Variants in CDC42BPB observed in about 807,000 individuals in gnomAD.
CDC42BPB encodes the protein CDC42 binding protein kinase beta.
A neutral mutation model predicts 214.9 loss-of-function variants in CDC42BPB; 37 were observed. That is an observed-to-expected ratio of 0.17 (90% CI 0.13 to 0.23). The LOEUF (loss-of-function observed/expected upper bound fraction) is 0.23, where lower values mean the gene tolerates loss of function less well. Among genes scored for constraint, CDC42BPB ranks in the 10% least tolerant of loss-of-function variants. The pLI, the probability that CDC42BPB is intolerant of heterozygous loss-of-function variation, is 1.00. For synonymous variants in CDC42BPB, 931 were observed against 884.0 expected (o/e 1.05, Z -0.94); for missense variants, 1,694 against 2,227.0 (o/e 0.76, Z 4.82).
intron 1 of CDC42BPB, among the ~76,000 whole-genome samples, chr14:103,050,289 A>C (rs113424806): frequency 0.025 from 3,850 of 152,312 alleles, 174 homozygotes; most frequent in African/African-American, 0.088. Context: ...AAATAAAATA[A>C]AGATATTTCA....
chr14:103,056,746 G>A (rs1181181418), intron 1 of CDC42BPB, among the ~76,000 whole-genome samples: 7 of 152,076 alleles, frequency 4.6e-5, no homozygotes, highest in Non-Finnish European at 8.8e-5. Context: ...ACGATCGAAC[G>A]CGGATGTCGA....
intron 3 of CDC42BPB, among the ~76,000 whole-genome samples, chr14:103,005,705 GAAA>G (rs546871029): frequency 6.7e-6 from 1 of 149,992 alleles, no homozygotes; most frequent in African/African-American, 2.5e-5. Context: ...TCTAAAACAA[GAAA>G]AAAAAAGTTT....
intron 5 of CDC42BPB, among the ~76,000 whole-genome samples, chr14:102,990,716 G>A (rs962001191): frequency 2.0e-5 from 3 of 152,148 alleles, no homozygotes; most frequent in East Asian, 1.9e-4. Flanking sequence ...GAGAAACAAC[G>A]GAGTGGGGAC....
chr14:103,017,478 A>T (rs1432340606), intron 1 of CDC42BPB, among the ~76,000 whole-genome samples: 1 of 152,194 alleles, frequency 6.6e-6, no homozygotes, highest in East Asian at 1.9e-4. Context: ...CTTTACAGTG[A>T]AGTCAGGCAG....
chr14:102,983,374 GCCTCTGGATGC>G (rs1482200397), intron 7 of CDC42BPB, among the ~76,000 whole-genome samples, 171 bp downstream of exon 7: 5 of 151,934 alleles, frequency 3.3e-5, no homozygotes, highest in Non-Finnish European at 2.9e-5. Context: ...TGCCGACCCC[GCCTCTGGATGC>G]CCTCTCCAAT....
chr14:103,013,972 T>C (rs1332330069), intron 1 of CDC42BPB, among the ~76,000 whole-genome samples: 1 of 152,150 alleles, frequency 6.6e-6, no homozygotes, highest in Non-Finnish European at 1.5e-5. Flanking sequence ...AAGACCATCC[T>C]GGCTAACACG....
intron 16 of CDC42BPB, 195 bp from the exon 17 acceptor site, chr14:102,967,365 T>A: frequency 1.0e-6 from 1 of 985,428 alleles, no homozygotes; most frequent in Non-Finnish European, 1.2e-6. Flanking sequence ...AATCTAAACC[T>A]AAACTGATGG....
chr14:102,961,794 C>T (rs1892974512), intron 20 of CDC42BPB, among the ~76,000 whole-genome samples: 1 of 152,198 alleles, frequency 6.6e-6, no homozygotes, highest in Admixed American at 6.5e-5. Context: ...CCGCCCACCT[C>T]AGCCTCCCGA....
Position 102,940,101 on chromosome 14 carries a change from G to C in CDC42BPB, c.4536C>G (p.Leu1512=). 7 of 1,614,038 alleles carry C rather than the reference G, an allele frequency of 4.3e-6. No homozygotes were observed. The highest frequency in any genetic ancestry group is 5.9e-6 in the Non-Finnish European group (7 of 1,180,042). Residue 1512 remains leucine (L), a synonymous_variant, in exon 32 of 37, where the codon CTC becomes CTG. Coordinates refer to ENST00000361246, the MANE Select transcript of CDC42BPB (RefSeq NM_006035.4). ...RIRPLNSEGT[L]NLLNCEPPRL... ...GTGGAGGCTCGCAGTTGAGGAGGTT[G>C]AGGGTGCCTTCAGAGTTCAGGGGCC...
chr14:103,014,459 G>A (rs1886345029), intron 1 of CDC42BPB, among the ~76,000 whole-genome samples: 1 of 152,060 alleles, frequency 6.6e-6, no homozygotes, highest in South Asian at 2.1e-4. Context: ...GTGCCTCTGG[G>A]GGAACTGAGT....
Position 102,968,923 on chromosome 14 carries a change from C to T in CDC42BPB, c.1996-207G>A, listed in dbSNP as rs555229329. ...GGAGACGGCCTTGCAGGGGGATGTG[C>T]CCAGGTCTGCCTGGGACCCCCGAAG... On this transcript the variant is annotated intron_variant, in intron 14 of 36. Coordinates refer to ENST00000361246, the MANE Select transcript of CDC42BPB (RefSeq NM_006035.4). The T allele has an allele frequency of 2.1e-4, 210 of 983,810 alleles. 1 individual carries two copies. In the African/African-American group the frequency reaches 3.5e-3, roughly 17 times the overall value. 60.9% of individuals were successfully genotyped at this position (983,810 alleles called of 1,614,324 possible).
At chr14:102,995,522 G>T (rs1164426077) in intron 5 of CDC42BPB, among the ~76,000 whole-genome samples, 1 of 152,186 alleles carries the variant, frequency 6.6e-6, no homozygotes, top group Non-Finnish European at 1.5e-5. Flanking sequence ...TGCCTTTCCG[G>T]ATATCATCAG....
At chr14:103,038,724 G>T (rs1178145761) in intron 1 of CDC42BPB, among the ~76,000 whole-genome samples, 1 of 104,670 alleles carries the variant, frequency 9.6e-6, no homozygotes, top group Non-Finnish European at 1.9e-5. Flanking sequence ...ACGGGGGGGG[G>T]GGGCGGGTCT....
chr14:103,017,473 C>T (rs34125761), intron 1 of CDC42BPB, among the ~76,000 whole-genome samples: 1 of 152,120 alleles, frequency 6.6e-6, no homozygotes, highest in African/African-American at 2.4e-5. Context: ...GGTGACTTTA[C>T]AGTGAAGTCA....
chr14:103,018,532 T>C (rs745718856), intron 1 of CDC42BPB, among the ~76,000 whole-genome samples: 261 of 152,144 alleles, frequency 1.7e-3, no homozygotes, highest in Non-Finnish European at 2.9e-3. Context: ...GTCGCATCGA[T>C]AGTGTTGGAA....
chr14:102,939,963 G>C lies in CDC42BPB; in HGVS notation c.4592-16C>G, dbSNP rs772024223. On this transcript the variant is annotated splice_polypyrimidine_tract_variant and intron_variant, in intron 32 of 36. Transcript: ENST00000361246. ...AGAACCGCTCCTGCAGAAGCAGAGC[G>C]CGCGGTGACGGTGCTGCGGCACCAG... 6.2e-7 allele frequency: 1 copy of C among 1,613,764 alleles called. No homozygotes were observed. Among genetic ancestry groups the C allele is most frequent in the Non-Finnish European group, 8.5e-7 (1 of 1,179,980 alleles).
intron 5 of CDC42BPB, among the ~76,000 whole-genome samples, chr14:102,998,489 GT>G (rs1273574214): frequency 2.7e-4 from 41 of 152,300 alleles, no homozygotes; most frequent in African/African-American, 9.6e-4. Context: ...AAAAATACAA[GT>G]AAAACTAGTT....
At chr14:103,021,152 G>A (rs921575244) in intron 1 of CDC42BPB, among the ~76,000 whole-genome samples, 1 of 152,174 alleles carries the variant, frequency 6.6e-6, no homozygotes, top group Non-Finnish European at 1.5e-5. Context: ...GGATTAAAAA[G>A]GGAGCCCTTT....
intron 28 of CDC42BPB, 30 bp downstream of exon 28, chr14:102,946,438 C>T (rs376224238): frequency 1.6e-4 from 264 of 1,610,242 alleles, no homozygotes; most frequent in Middle Eastern, 7.4e-4. Context: ...TTGCTTCAGA[C>T]ACCTGAAGGA....
Sources: gnomAD v4.1 joint callset for allele counts (sites outside exome capture counted in the v4.1 genomes callset) on GRCh38, gnomAD v4.1.1 for gene constraint, MANE v1.5 for transcripts, NCBI Gene and HGNC (gene_info 2026-07-23, HGNC 2026-07-21) for gene names.